The following SHISA6 variants were observed in gnomAD, a reference collection of about 807,000 sequenced individuals.
The protein encoded by SHISA6 is protein shisa-6.
Under a neutral mutation model 47.9 loss-of-function variants are expected in SHISA6, and 22 were observed. The ratio of observed to expected loss-of-function variants is 0.46; its 90% CI spans 0.33 to 0.66. The LOEUF is 0.66. Among genes scored for constraint, SHISA6 ranks in the 30% least tolerant of loss-of-function variants. SHISA6 has a pLI of 0.02. For missense variants in SHISA6, 680 were observed against 764.6 expected, an observed-to-expected ratio of 0.89 and a Z score of 1.30; for synonymous variants, 388 against 337.8, an observed-to-expected ratio of 1.15 and a Z score of -1.63.
chr17:11,279,180 C>T lies in SHISA6; in HGVS notation c.799+15654C>T, dbSNP rs372333949. On this transcript the variant is annotated intron_variant, in intron 2 of 5. Coordinates refer to ENST00000441885, the MANE Select transcript of SHISA6 (RefSeq NM_207386.4). ...GAGTTCAGGGCTTGCAGGTCTTCCT[C>T]GGGCCACAACTTCAGCTCCAGGGCA... 6.6e-5 allele frequency among the ~76,000 whole-genome samples: 10 copies of T among 152,188 alleles called. No homozygotes were observed. The East Asian group carries it at 1.5e-3, about 24-fold the overall frequency.
intron 2 of SHISA6, among the ~76,000 whole-genome samples, chr17:11,350,178 A>ATTTTTTTTTTTTTTTT (rs199879665): frequency 2.0e-5 from 2 of 101,148 alleles, no homozygotes; most frequent in African/African-American, 7.8e-5. Flanking sequence ...TTATTTATTT[A>ATTTTTTTTTTTTTTTT]TTTATTTTTT....
At chr17:11,274,979 G>A (rs1423593385) in intron 2 of SHISA6, among the ~76,000 whole-genome samples, 4 of 152,066 alleles carry the variant, frequency 2.6e-5, no homozygotes, top group African/African-American at 7.2e-5. Context: ...GGAAAACGGC[G>A]ATGCATAAGG....
intron 2 of SHISA6, among the ~76,000 whole-genome samples, chr17:11,274,897 T>TA (rs1409476706): frequency 2.6e-5 from 4 of 151,878 alleles, no homozygotes; most frequent in Non-Finnish European, 4.4e-5. Context: ...GAAGGGCAGG[T>TA]AAGATTGAAT....
intron 2 of SHISA6, among the ~76,000 whole-genome samples, chr17:11,264,295 G>T (rs1218867000): frequency 1.3e-5 from 2 of 152,138 alleles, no homozygotes; most frequent in Non-Finnish European, 2.9e-5. Flanking sequence ...ATTCTCCACA[G>T]CAATCTTAGA....
At chr17:11,480,251 G>A (rs941294759) in intron 3 of SHISA6, among the ~76,000 whole-genome samples, 9 of 152,054 alleles carry the variant, frequency 5.9e-5, no homozygotes, top group African/African-American at 1.7e-4. Context: ...TGATAATGAT[G>A]TGCCTAGGTG....
intron 1 of SHISA6, among the ~76,000 whole-genome samples, chr17:11,258,102 T>C (rs1908086733): frequency 1.3e-5 from 2 of 152,208 alleles, no homozygotes; most frequent in Admixed American, 1.3e-4. Flanking sequence ...ATAAGAACAT[T>C]AACCAGAATA....
At chr17:11,244,777 G>T (rs1179761477) in intron 1 of SHISA6, among the ~76,000 whole-genome samples, 1 of 152,204 alleles carries the variant, frequency 6.6e-6, no homozygotes, top group Non-Finnish European at 1.5e-5. Flanking sequence ...GCTCAGCAAA[G>T]ATGTTTCCTT....
At chr17:11,532,097 C>G (rs892722826) in intron 3 of SHISA6, among the ~76,000 whole-genome samples, 1 of 152,068 alleles carries the variant, frequency 6.6e-6, no homozygotes, top group African/African-American at 2.4e-5. Context: ...TGATGTAGAA[C>G]AGAAAATTTC....
At chr17:11,403,393 G>C (rs1400391703) in intron 3 of SHISA6, among the ~76,000 whole-genome samples, 1 of 152,204 alleles carries the variant, frequency 6.6e-6, no homozygotes, top group Non-Finnish European at 1.5e-5. Flanking sequence ...TGATTGCTTT[G>C]TTGATGTATT....
chr17:11,557,785 A>G lies in SHISA6; in HGVS notation c.1137A>G (p.Arg379=), dbSNP rs1468103594. 6.5e-7 allele frequency: 1 copy of G among 1,550,030 alleles called. No homozygotes were observed. Among genetic ancestry groups the G allele is most frequent in the South Asian group, 1.2e-5 (1 of 83,748 alleles). The change falls in exon 6 of 6, where the codon AGA becomes AGG. Residue 379 remains arginine (R), a synonymous_variant. Coordinates refer to ENST00000441885, the MANE Select transcript of SHISA6 (RefSeq NM_207386.4). ...TDKEADEYYM[R]RRHLPDLAAR... is the part of the protein sequence containing the mutation. ...AGGAGGCTGACGAGTATTACATGAG[A>G]CGGCGGCACCTGCCCGACCTGGCTG...
intron 5 of SHISA6, among the ~76,000 whole-genome samples, chr17:11,557,492 T>C (rs1413415011): frequency 6.6e-6 from 1 of 152,186 alleles, no homozygotes; most frequent in Non-Finnish European, 1.5e-5. Context: ...GGGAGCTTGT[T>C]AGAGATGCAA....
At chr17:11,487,076 GA>G (rs1916368383) in intron 3 of SHISA6, among the ~76,000 whole-genome samples, 1 of 152,200 alleles carries the variant, frequency 6.6e-6, no homozygotes, top group Non-Finnish European at 1.5e-5. Context: ...TACAATCTAA[GA>G]TATTTACTCC....
intron 2 of SHISA6, among the ~76,000 whole-genome samples, chr17:11,368,265 G>A (rs1912517687): frequency 6.6e-6 from 1 of 150,630 alleles, no homozygotes; most frequent in South Asian, 2.1e-4. Flanking sequence ...GCAGGCAGGT[G>A]TGAGATGGAG....
At chr17:11,367,041 A>C (rs1912475675) in intron 2 of SHISA6, among the ~76,000 whole-genome samples, 1 of 152,210 alleles carries the variant, frequency 6.6e-6, no homozygotes, top group African/African-American at 2.4e-5. Context: ...ACAGACCTAC[A>C]GGATGGGCAA....
rs536768586 is a variant in SHISA6, at chr17:11,472,974, T to C, written c.896-78922T>C. The stretch of plus-strand genomic sequence containing the variant: ...ATATCTCCTTTGGTGATGTGTCTGT[T>C]AAGGTCTTTAGCCCATTTTAAAAAT... On this transcript the variant is annotated intron_variant, in intron 3 of 5. Coordinates refer to ENST00000441885, the MANE Select transcript of SHISA6 (RefSeq NM_207386.4). 3.3e-5 allele frequency among the ~76,000 whole-genome samples: 5 copies of C among 152,348 alleles called. No individual in the cohort carries two copies. In the East Asian group the frequency reaches 5.8e-4, roughly 18 times the overall value.
chr17:11,272,842 A>C (rs541901892), intron 2 of SHISA6, among the ~76,000 whole-genome samples: 1 of 152,324 alleles, frequency 6.6e-6, no homozygotes, highest in South Asian at 2.1e-4. Flanking sequence ...GCAAGTTGAG[A>C]TGTCTGGAAA....
chr17:11,358,569 C>T (rs942553657), intron 2 of SHISA6, among the ~76,000 whole-genome samples: 1 of 151,548 alleles, frequency 6.6e-6, no homozygotes, highest in Non-Finnish European at 1.5e-5. Flanking sequence ...CCATGTTAGC[C>T]AGGATGGTCT....
intron 2 of SHISA6, among the ~76,000 whole-genome samples, chr17:11,320,398 G>A (rs1910672336): frequency 6.6e-6 from 1 of 152,074 alleles, no homozygotes; most frequent in African/African-American, 2.4e-5. Context: ...TGTGGCTCAT[G>A]CCTGTAATCC....
At chr17:11,413,068 A>T (rs1263571107) in intron 3 of SHISA6, among the ~76,000 whole-genome samples, 1 of 152,210 alleles carries the variant, frequency 6.6e-6, no homozygotes, top group African/African-American at 2.4e-5. Context: ...GTAAGAGCCC[A>T]TAGGCTGTGA....
Sources: gnomAD v4.1 joint callset for allele counts (sites outside exome capture counted in the v4.1 genomes callset) on GRCh38, gnomAD v4.1.1 for gene constraint, MANE v1.5 for transcripts, NCBI Gene and HGNC (gene_info 2026-07-23, HGNC 2026-07-21) for gene names.